The following SCN4A variants were observed in gnomAD, a reference collection of about 807,000 sequenced individuals.
The protein encoded by SCN4A is sodium voltage-gated channel alpha subunit 4, also known as sodium channel protein type 4 subunit alpha.
In SCN4A, 83 loss-of-function variants were observed where a neutral mutation model predicts 162.0. The ratio of observed to expected loss-of-function variants is 0.51; its 90% CI spans 0.43 to 0.61. The LOEUF is 0.61. Ranked by LOEUF, SCN4A falls within the 20% of genes least tolerant of loss-of-function variation. The pLI, the probability that SCN4A is intolerant of heterozygous loss-of-function variation, is 0.00. For missense variants in SCN4A, 2,196 were observed against 2,462.5 expected, an observed-to-expected ratio of 0.89 and a Z score of 2.29; for synonymous variants, 944 against 985.1, an observed-to-expected ratio of 0.96 and a Z score of 0.78.
In SCN4A at chr17:63,963,681, C is replaced by CATCCCTATCCTCCTGAATCCA; in HGVS notation, c.1596_1597insTGGATTCAGGAGGATAGGGAT (p.Asp532_Ala533insTrpIleGlnGluAspArgAsp). On this transcript the variant is annotated inframe_insertion, in exon 10 of 24. Transcript: ENST00000435607. ...GGCACAAGGCACTCACCTTCCATGG[C>CATCCCTATCCTCCTGAATCCA]GTCGGAGATGCCGCTGTCTCCGCTG... 6.3e-7 allele frequency: 1 copy of CATCCCTATCCTCCTGAATCCA among 1,581,182 alleles called. No homozygotes were observed. The highest frequency in any genetic ancestry group is 1.7e-5 in the Admixed American group (1 of 58,728).
At position 63,972,133 on chromosome 17, in the gene SCN4A, T is replaced by C; in HGVS notation, c.482+3A>G. 6.2e-7 allele frequency: 1 copy of C among 1,609,854 alleles called. No individual in the cohort carries two copies. The highest frequency in any genetic ancestry group is 1.1e-5 in the South Asian group (1 of 90,508). ...GGGGAGCTCAGGGAGCAGGGAGACTTACTCCACATTCTTGGACCAGGGAGG... is the reference window on the plus strand; with the variant it reads ...GGGGAGCTCAGGGAGCAGGGAGACTCACTCCACATTCTTGGACCAGGGAGG... On this transcript the variant is annotated splice_donor_region_variant and intron_variant, in intron 3 of 23. Coordinates refer to ENST00000435607, the MANE Select transcript of SCN4A (RefSeq NM_000334.4). This position sits in a 1 kb window ranked among gnomAD's most constrained non-coding sequence, Gnocchi z 4.3.
At chr17:63,969,520 C>T (rs1909554120) in intron 5 of SCN4A, among the ~76,000 whole-genome samples, 1 of 152,360 alleles carries the variant, frequency 6.6e-6, no homozygotes, top group Non-Finnish European at 1.5e-5. Flanking sequence ...GGCTCAGTGG[C>T]CAATGTACAG....
intron 16 of SCN4A, 137 bp from the exon 17 acceptor site, chr17:63,948,200 C>T: frequency 1.6e-6 from 1 of 623,510 alleles, no homozygotes. Flanking sequence ...CTGTCCGCAT[C>T]TCCTGGACTC....
Position 63,945,703 on chromosome 17 carries a change from A to C in SCN4A, c.3442-65T>G. ...CTCTGAGAGAGGGCTCCACATCTCTACGCCACCCAGGGGACCAGGCAGAGC... is the reference window on the plus strand; with the variant it reads ...CTCTGAGAGAGGGCTCCACATCTCTCCGCCACCCAGGGGACCAGGCAGAGC... On this transcript the variant is annotated intron_variant, in intron 18 of 23. Transcript: ENST00000435607. The surrounding 1 kb of genome is among the most constrained non-coding windows in gnomAD (Gnocchi z 4.4). 6.6e-7 allele frequency: 1 copy of C among 1,523,908 alleles called. No individual in the cohort carries two copies. The highest frequency in any genetic ancestry group is 9.0e-7 in the Non-Finnish European group (1 of 1,111,932). 94.4% of individuals were successfully genotyped at this position (1,523,908 alleles called of 1,614,324 possible).
chr17:63,972,223 A>G lies in SCN4A; in HGVS notation c.395T>C (p.Leu132Pro). ...GGTGATCATGATGAACATGCTGAACAGCGTGGGGCAGGGTCAAGGAAAGTG... is the reference window on the plus strand; with the variant it reads ...GGTGATCATGATGAACATGCTGAACGGCGTGGGGCAGGGTCAAGGAAAGTG... Reference protein sequence around the residue: ...RGAIKVLIHALFSMFIMITIL... With the variant: ...RGAIKVLIHAPFSMFIMITIL... Residue 132 changes from leucine (L) to proline (P), a missense_variant and splice_region_variant, in exon 3 of 24, where the codon CTG becomes CCG. Transcript: ENST00000435607. This position sits in a 1 kb window ranked among gnomAD's most constrained non-coding sequence, Gnocchi z 4.3. The G allele has an allele frequency of 6.2e-7, 1 of 1,613,166 alleles. No individual in the cohort carries two copies. The highest frequency in any genetic ancestry group is 8.5e-7 in the Non-Finnish European group (1 of 1,179,508).
Position 63,951,519 on chromosome 17 carries a change from G to C in SCN4A, c.2758C>G (p.Leu920Val). 1 of 1,614,006 alleles carries C rather than the reference G, an allele frequency of 6.2e-7. No individual in the cohort carries two copies. The highest frequency in any genetic ancestry group is 8.5e-7 in the Non-Finnish European group (1 of 1,179,884). Residue 920 changes from leucine to valine, a missense_variant, in exon 14 of 24, where the codon CTG (leucine) becomes GTG (valine). Physicochemically the swap from Leu to Val is conservative, Grantham distance 32. Transcript: ENST00000435607. This position sits in a 1 kb window ranked among gnomAD's most constrained non-coding sequence, Gnocchi z 4.5. ...DHLNFINNPY[L>V]TIQVPIASEE... ...GAGGCGATGGGCACCTGTATGGTCAGGTAGGGGTTGTTGATGAAGTTAAGG... is the reference window on the plus strand; with the variant it reads ...GAGGCGATGGGCACCTGTATGGTCACGTAGGGGTTGTTGATGAAGTTAAGG...
chr17:63,947,880 G>A lies in SCN4A; in HGVS notation c.3318+10C>T. On this transcript the variant is annotated intron_variant, in intron 17 of 23. Transcript: ENST00000435607. ...GGATGTAGCTACGGGGCCAGCGTGG[G>A]GGGACTCACATCCACGATGAGGAAG... is the stretch of plus-strand genomic sequence containing the variant. 2 of 1,612,798 alleles carry A rather than the reference G, an allele frequency of 1.2e-6. No homozygotes were observed. Among genetic ancestry groups the A allele is most frequent in the South Asian group, 1.1e-5 (1 of 91,006 alleles).
In SCN4A at chr17:63,971,827, G is replaced by A; in HGVS notation, c.506C>T (p.Thr169Ile). Residue 169 changes from threonine (T) to isoleucine (I), a missense_variant, in exon 4 of 24, where the codon ACC (threonine) becomes ATC (isoleucine). Thr to Ile is a moderately conservative substitution (Grantham distance 89, BLOSUM62 -1). Transcript: ENST00000435607. The part of the protein sequence containing the change: ...NVEYTFTGIY[T>I]FESLIKILAR... Reference sequence around the variant, plus strand: ...CAGTATCTTGATGAGGGACTCAAAGGTGTAGATCCCTGTGAAGGTGTACCT... The same window carrying A: ...CAGTATCTTGATGAGGGACTCAAAGATGTAGATCCCTGTGAAGGTGTACCT... 1 of 1,613,748 alleles carries A rather than the reference G, an allele frequency of 6.2e-7. No individual in the cohort carries two copies. The highest frequency in any genetic ancestry group is 8.5e-7 in the Non-Finnish European group (1 of 1,179,772).
chr17:63,959,646 T>C (rs777637065), intron 11 of SCN4A, among the ~76,000 whole-genome samples: 2 of 152,152 alleles, frequency 1.3e-5, no homozygotes, highest in Non-Finnish European at 2.9e-5. Flanking sequence ...CCTAGGTGGG[T>C]ACAACTCTGA....
intron 4 of SCN4A, among the ~76,000 whole-genome samples, 179 bp from the exon 5 acceptor site, chr17:63,971,432 C>T (rs1156396352): frequency 6.6e-6 from 1 of 152,116 alleles, no homozygotes; most frequent in Non-Finnish European, 1.5e-5. Flanking sequence ...TTGGGAAGGA[C>T]AGTGCAGGAG....
intron 13 of SCN4A, among the ~76,000 whole-genome samples, chr17:63,953,681 T>TA (rs1908984088): frequency 1.5e-5 from 2 of 136,866 alleles, no homozygotes; most frequent in South Asian, 2.3e-4. Context: ...GACCCTGCCT[T>TA]GAAGAAAAAA....
Position 63,945,986 on chromosome 17 carries a change from C to T in SCN4A, c.3442-348G>A, listed in dbSNP as rs1458363171. Among the ~76,000 whole-genome samples, 1 of 152,136 alleles carries T rather than the reference C, an allele frequency of 6.6e-6. No individual in the cohort carries two copies. Among genetic ancestry groups the T allele is most frequent in the African/African-American group, 2.4e-5 (1 of 41,410 alleles). On this transcript the variant is annotated intron_variant, in intron 18 of 23. Coordinates refer to ENST00000435607, the MANE Select transcript of SCN4A (RefSeq NM_000334.4). This position sits in a 1 kb window ranked among gnomAD's most constrained non-coding sequence, Gnocchi z 4.4. ...AGGAAACTCAGCTCACGTGACCCAG[C>T]CCCTGCTCATGGGTTTTCAGCCCCA...
chr17:63,954,522 C>A (rs1909013341), intron 13 of SCN4A, among the ~76,000 whole-genome samples: 1 of 152,272 alleles, frequency 6.6e-6, no homozygotes, highest in Admixed American at 6.5e-5. Flanking sequence ...GGGCCGACAT[C>A]AATTTCCCTG....
In SCN4A at chr17:63,944,982, C is replaced by T. The variant is rs758045628; in HGVS notation, c.3774+25G>A. ...TCCTCTTCCCTGGCTCGCTCACCAG[C>T]CACATCTCAGCGACCCCGACTCACC... On this transcript the variant is annotated intron_variant, in intron 20 of 23. Transcript: ENST00000435607. The surrounding 1 kb of genome is among the most constrained non-coding windows in gnomAD (Gnocchi z 4.3). 2 of 1,612,388 alleles carry T rather than the reference C, an allele frequency of 1.2e-6. No homozygotes were observed. Among genetic ancestry groups the T allele is most frequent in the Admixed American group, 3.3e-5 (2 of 59,954 alleles).
intron 5 of SCN4A, among the ~76,000 whole-genome samples, chr17:63,968,775 T>A (rs1341741025): frequency 2.6e-5 from 4 of 152,120 alleles, no homozygotes; most frequent in African/African-American, 9.7e-5. Flanking sequence ...TCTTGGAGAG[T>A]CATTATGTAG....
chr17:63,959,508 C>G (rs914213523), intron 11 of SCN4A, 70 bp from the exon 12 acceptor site: 6 of 1,452,174 alleles, frequency 4.1e-6, no homozygotes, highest in Middle Eastern at 1.9e-4. Flanking sequence ...TCCCACCCAA[C>G]TCCCACCTCC....
chr17:63,950,229 T>TG lies in SCN4A; in HGVS notation c.2854-702dup, dbSNP rs1392988928. ...GAAGAGAAGGAAGAAGAGGGCAACT[T>TG]GGGGGGCAGCTCTGTATCCAGAGTG... On this transcript the variant is annotated intron_variant, in intron 14 of 23. Transcript: ENST00000435607. This position sits in a 1 kb window ranked among gnomAD's most constrained non-coding sequence, Gnocchi z 4.6. Among the ~76,000 whole-genome samples, 6 of 151,854 alleles carry TG rather than the reference T, an allele frequency of 4.0e-5. No individual in the cohort carries two copies. Among genetic ancestry groups the TG allele is most frequent in the African/African-American group, 1.5e-4 (6 of 41,300 alleles).
rs949315267 is a variant in SCN4A at position 63,951,278 on chromosome 17, G to A, written c.2853+146C>T. ...GCGGACTGCATGCTTTACATACAGC[G>A]TCTCACATAATGCTTGCAACAATGC... On this transcript the variant is annotated intron_variant, in intron 14 of 23. Transcript: ENST00000435607. This position sits in a 1 kb window ranked among gnomAD's most constrained non-coding sequence, Gnocchi z 4.5. 12 of 616,950 alleles carry A rather than the reference G, an allele frequency of 1.9e-5. No homozygotes were observed. Among genetic ancestry groups the A allele is most frequent in the African/African-American group, 1.1e-4 (6 of 54,138 alleles). 38.2% of individuals were successfully genotyped at this position (616,950 alleles called of 1,614,324 possible). A position where few individuals can be genotyped will look rare whatever the true frequency, so the allele number is the denominator to read the frequency against.
chr17:63,947,344 G>A lies in SCN4A; in HGVS notation c.3319-177C>T, dbSNP rs72851171. On this transcript the variant is annotated intron_variant, in intron 17 of 23. Coordinates refer to ENST00000435607, the MANE Select transcript of SCN4A (RefSeq NM_000334.4). ...CCTGGGACCTGTCCCAGTACCTGTA[G>A]GAGCCTGGCACCACCTCAGTGATGT... Among the ~76,000 whole-genome samples the A allele has an allele frequency of 2.2e-3, 334 of 152,316 alleles. 1 individual carries two copies. Among genetic ancestry groups the A allele is most frequent in the Non-Finnish European group, 3.1e-3 (214 of 68,020 alleles).
Sources: gnomAD v4.1 joint callset for allele counts (sites outside exome capture counted in the v4.1 genomes callset) on GRCh38, gnomAD v4.1.1 for gene constraint, Gnocchi (gnomAD v3.1) non-coding constraint, MANE v1.5 for transcripts, NCBI Gene and HGNC (gene_info 2026-07-23, HGNC 2026-07-21) for gene names.